The following KCNQ1 variants were observed in gnomAD, a reference collection of about 807,000 sequenced individuals.
KCNQ1 encodes the protein potassium voltage-gated channel subfamily KQT member 1.
A neutral mutation model predicts 72.4 loss-of-function variants in KCNQ1; 49 were observed. That is an observed-to-expected ratio of 0.68 (90% CI 0.54 to 0.86). KCNQ1 has a LOEUF of 0.86. Ranked by LOEUF, KCNQ1 falls within the 40% of genes least tolerant of loss-of-function variation. KCNQ1 has a pLI of 0.00. For synonymous variants in KCNQ1, 450 were observed against 412.6 expected, an observed-to-expected ratio of 1.09 and a Z score of -1.10; for missense variants, 790 against 945.1, an observed-to-expected ratio of 0.84 and a Z score of 2.15.
chr11:2,542,641 C>T (rs1847846840), intron 2 of KCNQ1, among the ~76,000 whole-genome samples: 1 of 152,208 alleles, frequency 6.6e-6, no homozygotes, highest in South Asian at 2.1e-4. Context: ...CCGGAGGGGA[C>T]CCCTGGTCTG....
intron 11 of KCNQ1, among the ~76,000 whole-genome samples, chr11:2,765,472 T>C (rs575644945): frequency 6.6e-6 from 1 of 152,328 alleles, no homozygotes; most frequent in Admixed American, 6.5e-5. Flanking sequence ...TAGTCTCCAG[T>C]TGTAGGGAGC....
At chr11:2,696,124 TC>T in intron 11 of KCNQ1, 1 of 398,666 alleles carries the variant, frequency 2.5e-6, no homozygotes, top group African/African-American at 2.1e-5. Flanking sequence ...ATTAATGCAT[TC>T]AAGTTCATAC....
intron 1 of KCNQ1, among the ~76,000 whole-genome samples, chr11:2,496,489 C>T (rs1436552149): frequency 3.0e-5 from 2 of 67,346 alleles, no homozygotes; most frequent in Non-Finnish European, 6.8e-5. Flanking sequence ...AGGATCACAA[C>T]CCCTGCTTTT....
intron 11 of KCNQ1, among the ~76,000 whole-genome samples, chr11:2,754,506 C>T (rs1846270461): frequency 6.6e-6 from 1 of 152,216 alleles, no homozygotes; most frequent in South Asian, 2.1e-4. Context: ...TAAGATGTTG[C>T]AGTGTAGGCA....
rs373343359 is a variant in KCNQ1 at position 2,642,158 on chromosome 11, G to T, written c.1394-19803G>T. ...GATTTTTTCTATTTCCATGAAAAAT[G>T]GCATTGGTATTTTGAGAGAGACTGC... On this transcript the variant is annotated intron_variant, in intron 10 of 15. Transcript: ENST00000155840. The surrounding 1 kb of genome is among the most constrained non-coding windows in gnomAD (Gnocchi z 4.3). 7 of 398,414 alleles carry T rather than the reference G, an allele frequency of 1.8e-5. No homozygotes were observed. Among genetic ancestry groups the T allele is most frequent in the South Asian group, 2.5e-4 (2 of 7,852 alleles). 24.7% of individuals were successfully genotyped at this position (398,414 alleles called of 1,614,324 possible). A position where few individuals can be genotyped will look rare whatever the true frequency, so the allele number is the denominator to read the frequency against.
rs530041620 is a variant in KCNQ1 at position 2,791,753 on chromosome 11, G to A, written c.1794+13716G>A. Among the ~76,000 whole-genome samples the A allele has an allele frequency of 5.3e-3, 802 of 151,094 alleles. 8 individuals carry two copies. Among genetic ancestry groups the A allele is most frequent in the African/African-American group, 0.019 (762 of 41,166 alleles). ...CTCGGGTTCTGGCCCCAGGTCAGAG[G>A]TGGCGCTGGCGGCAGGTGGATGCCC... On this transcript the variant is annotated intron_variant, in intron 15 of 15. Coordinates refer to ENST00000155840, the MANE Select transcript of KCNQ1 (RefSeq NM_000218.3).
chr11:2,597,649 AC>A (rs1273123255), intron 10 of KCNQ1, among the ~76,000 whole-genome samples: 1 of 152,244 alleles, frequency 6.6e-6, no homozygotes, highest in Non-Finnish European at 1.5e-5. Context: ...GTGTCTTGGA[AC>A]TGTTTGAAGA....
chr11:2,651,176 A>C lies in KCNQ1; in HGVS notation c.1394-10785A>C. On this transcript the variant is annotated intron_variant, in intron 10 of 15. Coordinates refer to ENST00000155840, the MANE Select transcript of KCNQ1 (RefSeq NM_000218.3). This position sits in a 1 kb window ranked among gnomAD's most constrained non-coding sequence, Gnocchi z 6.1. ...GTACAGTGGATCTTGCTGCTTCCCT[A>C]CTCAAATGTTCCGACAGCTTCCTGT... 2.5e-6 allele frequency: 1 copy of C among 398,262 alleles called. No homozygotes were observed. The highest frequency in any genetic ancestry group is 4.4e-6 in the Non-Finnish European group (1 of 226,008). The allele number at this position is 398,262 out of a possible 1,614,324, so 24.7% of individuals were successfully genotyped here.
In KCNQ1 at chr11:2,847,981, G is replaced by A. The variant is rs763389576; in HGVS notation, c.2009G>A (p.Arg670Lys). 25 of 1,551,908 alleles carry A rather than the reference G, an allele frequency of 1.6e-5. No individual in the cohort carries two copies. In the South Asian group the frequency reaches 1.9e-4, roughly 12 times the overall value. The part of the protein sequence containing the change: ...PTYEQLTVPR[R>K]GPDEGS ...TACGAGCAGCTGACCGTGCCCAGGA[G>A]GGGCCCCGATGAGGGGTCCTGAGGA... The change falls in exon 16 of 16, where the codon AGG becomes AAG. Residue 670 changes from arginine to lysine, a missense_variant. Transcript: ENST00000155840.
rs1846385377 is a variant in KCNQ1 at position 2,468,377 on chromosome 11, G to A, written c.386+22893G>A. 2.6e-5 allele frequency among the ~76,000 whole-genome samples: 4 copies of A among 152,194 alleles called. No homozygotes were observed. In the South Asian group the frequency reaches 8.3e-4, roughly 32 times the overall value. On this transcript the variant is annotated intron_variant, in intron 1 of 15. Transcript: ENST00000155840. This position sits in a 1 kb window ranked among gnomAD's most constrained non-coding sequence, Gnocchi z 5.7. ...GCCCAGTCTAGTCTCAAGCTCCTGAGCTCAAGCGATCTGCCTGCCTCAGCC... is the reference window on the plus strand; with the variant it reads ...GCCCAGTCTAGTCTCAAGCTCCTGAACTCAAGCGATCTGCCTGCCTCAGCC...
At chr11:2,675,787 C>T (rs969842360) in intron 11 of KCNQ1, 5 of 398,570 alleles carry the variant, frequency 1.3e-5, no homozygotes, top group African/African-American at 4.1e-5. Flanking sequence ...AGCTGCTGCC[C>T]GCAGGGCATA....
rs558538403 is a variant in KCNQ1, at chr11:2,507,708, C to T, written c.387-20220C>T. ...CTGGGGAGAGAGTGCGGGCTGGGCT[C>T]ACAAGTTAGGGGAGGTGTCAGTGTG... On this transcript the variant is annotated intron_variant, in intron 1 of 15. Coordinates refer to ENST00000155840, the MANE Select transcript of KCNQ1 (RefSeq NM_000218.3). The surrounding 1 kb of genome is among the most constrained non-coding windows in gnomAD (Gnocchi z 5.4). Among the ~76,000 whole-genome samples the T allele has an allele frequency of 2.7e-4, 41 of 152,110 alleles. 1 individual carries two copies. The highest frequency in any genetic ancestry group is 9.9e-4 in the African/African-American group (41 of 41,482).
chr11:2,664,773 T>TG lies in KCNQ1; in HGVS notation c.1514+2695dup. The TG allele has an allele frequency of 2.5e-6, 1 of 398,548 alleles. No individual in the cohort carries two copies. Among genetic ancestry groups the TG allele is most frequent in the Non-Finnish European group, 4.4e-6 (1 of 226,100 alleles). The allele number at this position is 398,548 out of a possible 1,614,324, so 24.7% of individuals were successfully genotyped here. ...TGCTGGGGTCTCACAGGGGGCAGAG[T>TG]GGGTGGGAGGCAGTTACCAAAAAAC... On this transcript the variant is annotated intron_variant, in intron 11 of 15. Transcript: ENST00000155840. This position sits in a 1 kb window ranked among gnomAD's most constrained non-coding sequence, Gnocchi z 5.1.
At chr11:2,476,277 T>G (rs571801254) in intron 1 of KCNQ1, among the ~76,000 whole-genome samples, 1 of 152,252 alleles carries the variant, frequency 6.6e-6, no homozygotes, top group Non-Finnish European at 1.5e-5. Flanking sequence ...TCAACGTATG[T>G]TTAAAATATA....
chr11:2,608,982 C>T lies in KCNQ1; in HGVS notation c.1393+20128C>T, dbSNP rs1248271790. The T allele has an allele frequency of 2.5e-6, 1 of 398,136 alleles. No individual in the cohort carries two copies. Among genetic ancestry groups the T allele is most frequent in the East Asian group, 3.6e-5 (1 of 28,084 alleles). 24.7% of individuals were successfully genotyped at this position (398,136 alleles called of 1,614,324 possible). On this transcript the variant is annotated intron_variant, in intron 10 of 15. Coordinates refer to ENST00000155840, the MANE Select transcript of KCNQ1 (RefSeq NM_000218.3). The surrounding 1 kb of genome is among the most constrained non-coding windows in gnomAD (Gnocchi z 4.6). ...CAAAGGTTTGTTAATTTCAAAGAAC[C>T]AAATTTTGGATTTGTTGACTTTATT... is the stretch of plus-strand genomic sequence containing the variant.
At chr11:2,727,594 C>T (rs1186356024) in intron 11 of KCNQ1, among the ~76,000 whole-genome samples, 1 of 152,136 alleles carries the variant, frequency 6.6e-6, no homozygotes, top group Non-Finnish European at 1.5e-5. Context: ...GAGCAGACAC[C>T]CCGGATCCGC....
rs183023896 is a variant in KCNQ1, at chr11:2,717,931, G to A, written c.1515-50913G>A. Reference sequence around the variant, plus strand: ...TTAGCCCAGCATTTTAGGGGCTGCCGTGGTCATGGAGTAAAGACCACACCT... The same window carrying A: ...TTAGCCCAGCATTTTAGGGGCTGCCATGGTCATGGAGTAAAGACCACACCT... On this transcript the variant is annotated intron_variant, in intron 11 of 15. Transcript: ENST00000155840. 2.3e-3 allele frequency among the ~76,000 whole-genome samples: 345 copies of A among 152,334 alleles called. 1 individual carries two copies. The highest frequency in any genetic ancestry group is 6.3e-3 in the African/African-American group (262 of 41,570).
chr11:2,729,135 C>T (rs538272285), intron 11 of KCNQ1, among the ~76,000 whole-genome samples: 20 of 152,350 alleles, frequency 1.3e-4, no homozygotes, highest in Middle Eastern at 6.8e-3. Flanking sequence ...TGGGCTCTCC[C>T]GGGGCCGAGG....
At chr11:2,660,152 C>T (rs912361150) in intron 10 of KCNQ1, 20 of 398,138 alleles carry the variant, frequency 5.0e-5, no homozygotes, top group Middle Eastern at 6.2e-4. Flanking sequence ...CTTATGTTTT[C>T]TTCAAGATAT....
Sources: gnomAD v4.1 joint callset for allele counts (sites outside exome capture counted in the v4.1 genomes callset) on GRCh38, gnomAD v4.1.1 for gene constraint, Gnocchi (gnomAD v3.1) non-coding constraint, MANE v1.5 for transcripts, NCBI Gene and HGNC (gene_info 2026-07-23, HGNC 2026-07-21) for gene names.